The following FRMD3 variants were observed in gnomAD, a reference collection of about 807,000 sequenced individuals.
FRMD3 encodes FERM domain containing 3, also known as FERM domain-containing protein 3.
A neutral mutation model predicts 70.2 loss-of-function variants in FRMD3; 33 were observed. The ratio of observed to expected loss-of-function variants is 0.47; its 90% confidence interval spans 0.36 to 0.63. FRMD3 has a LOEUF of 0.63. Ranked by LOEUF, FRMD3 falls within the 20% of genes least tolerant of loss-of-function variation. FRMD3 has a pLI of 0.00. For synonymous variants in FRMD3, 279 were observed against 255.9 expected (o/e 1.09, Z -0.86); for missense variants, 632 against 711.4 (o/e 0.89, Z 1.27).
At chr9:83,314,934 T>C (rs981209244) in intron 6 of FRMD3, among the ~76,000 whole-genome samples, 21 of 152,200 alleles carry the variant, frequency 1.4e-4, no homozygotes, top group Non-Finnish European at 2.6e-4. Flanking sequence ...TAATCTTTGT[T>C]TCATTCTTTA....
At chr9:83,350,341 C>T (rs949160110) in intron 3 of FRMD3, among the ~76,000 whole-genome samples, 3 of 151,862 alleles carry the variant, frequency 2.0e-5, no homozygotes, top group African/African-American at 7.3e-5. Context: ...CACTGTTGGC[C>T]GGCTGGTCGT....
intron 2 of FRMD3, 66 bp downstream of exon 2, chr9:83,389,538 C>T: frequency 9.7e-7 from 1 of 1,028,670 alleles, no homozygotes; most frequent in South Asian, 1.3e-5. Context: ...TTGAGAGGAA[C>T]CCCCACAGTG....
At chr9:83,274,585 A>C (rs905077222) in intron 13 of FRMD3, among the ~76,000 whole-genome samples, 3 of 152,214 alleles carry the variant, frequency 2.0e-5, no homozygotes, top group African/African-American at 4.8e-5. Context: ...TGGCACAGAC[A>C]GGTGGTGCTG....
intron 4 of FRMD3, among the ~76,000 whole-genome samples, chr9:83,347,143 A>T (rs1823988981): frequency 6.6e-6 from 1 of 152,228 alleles, no homozygotes; most frequent in Non-Finnish European, 1.5e-5. Context: ...TCAGAAATCA[A>T]TTTGGCAAGA....
chr9:83,488,972 T>TTGTGTGTGTGTGTGTG lies in FRMD3; in HGVS notation c.147+49097_147+49112dup, dbSNP rs4014025. 9.8e-3 allele frequency among the ~76,000 whole-genome samples: 1,331 copies of TTGTGTGTGTGTGTGTG among 135,518 alleles called. 20 individuals are homozygous for TTGTGTGTGTGTGTGTG. The highest frequency in any genetic ancestry group is 0.011 in the Middle Eastern group (3 of 276). 88.9% of individuals were successfully genotyped at this position (135,518 alleles called of 152,430 possible). On this transcript the variant is annotated intron_variant, in intron 1 of 13. Coordinates refer to ENST00000304195, the MANE Select transcript of FRMD3 (RefSeq NM_174938.6). Reference sequence around the variant, plus strand: ...AGCTGGAGCTTAGCCCCCTATACCTTTGTGTGTGTGTGTGTGTGTGTGTGT... The same window carrying TTGTGTGTGTGTGTGTG: ...AGCTGGAGCTTAGCCCCCTATACCTTTGTGTGTGTGTGTGTGTGTGTGTGTGTGTGTGTGTGTGTGT...
chr9:83,481,725 AG>A (rs1250580910), intron 1 of FRMD3, among the ~76,000 whole-genome samples: 1 of 152,198 alleles, frequency 6.6e-6, no homozygotes, highest in Middle Eastern at 3.2e-3. Context: ...CATGGAAAAG[AG>A]GGGTCACCAA....
chr9:83,482,175 G>T (rs372776888), intron 1 of FRMD3, among the ~76,000 whole-genome samples: 1 of 152,254 alleles, frequency 6.6e-6, no homozygotes, highest in East Asian at 1.9e-4. Flanking sequence ...CGTTTACAGC[G>T]AACTCCTACT....
At chr9:83,403,211 C>G (rs752899931) in intron 1 of FRMD3, among the ~76,000 whole-genome samples, 1 of 151,990 alleles carries the variant, frequency 6.6e-6, no homozygotes, top group Non-Finnish European at 1.5e-5. Flanking sequence ...GCAAGACTCT[C>G]AATTGTCAAA....
At chr9:83,582,172 A>G in the FRMD3 span, among the ~76,000 whole-genome samples, 1 of 152,148 alleles carries the variant, frequency 6.6e-6, no homozygotes, top group African/African-American at 2.4e-5. Context: ...CCTGGGCTCA[A>G]GTGATCCTCC....
At position 83,309,591 on chromosome 9, in the gene FRMD3, G is replaced by T; in HGVS notation, c.871C>A (p.Pro291Thr). ...TTCCAAAGATGTTTGCAGGCAGCTGGTGTTGAAGTATGGAATGCCAACATG... is the reference window on the plus strand; with the variant it reads ...TTCCAAAGATGTTTGCAGGCAGCTGTTGTTGAAGTATGGAATGCCAACATG... ...KAMLAFHTST[P>T]AACKHLWKCG... is the part of the protein sequence containing the mutation. The change falls in exon 10 of 14, where the codon CCA becomes ACA. Residue 291 changes from proline to threonine, a missense_variant. Around this residue, in one of 3 missense-constraint regions of FRMD3, gnomAD observed 418 missense variants for 442.1 expected, o/e 0.95. Coordinates refer to ENST00000304195, the MANE Select transcript of FRMD3 (RefSeq NM_174938.6). 1 of 1,596,956 alleles carries T rather than the reference G, an allele frequency of 6.3e-7. No individual in the cohort carries two copies. Among genetic ancestry groups the T allele is most frequent in the Non-Finnish European group, 8.5e-7 (1 of 1,171,728 alleles).
intron 1 of FRMD3, among the ~76,000 whole-genome samples, chr9:83,514,091 C>T (rs547655168): frequency 5.3e-5 from 8 of 152,226 alleles, no homozygotes; most frequent in African/African-American, 1.9e-4. Context: ...CCCAGTGGCA[C>T]CTGGAGCACC....
At chr9:83,394,532 A>G (rs1273327654) in intron 1 of FRMD3, among the ~76,000 whole-genome samples, 1 of 152,160 alleles carries the variant, frequency 6.6e-6, no homozygotes, top group Non-Finnish European at 1.5e-5. Flanking sequence ...ATCTTGTTGG[A>G]CACACAGTAG....
At chr9:83,360,595 T>C (rs1009039653) in intron 3 of FRMD3, among the ~76,000 whole-genome samples, 14 of 152,108 alleles carry the variant, frequency 9.2e-5, no homozygotes, top group African/African-American at 3.4e-4. Context: ...GCCCCAGAGA[T>C]ATAAGGACTT....
chr9:83,490,796 TCTCACACACACA>T (rs1291114264), intron 1 of FRMD3, among the ~76,000 whole-genome samples: 2 of 111,958 alleles, frequency 1.8e-5, no homozygotes, highest in Non-Finnish European at 3.6e-5. Flanking sequence ...TCTCTCTCTC[TCTCACACACACA>T]CACACACACA....
At chr9:83,287,313 C>G (rs187975440) in intron 13 of FRMD3, among the ~76,000 whole-genome samples, 2 of 152,308 alleles carry the variant, frequency 1.3e-5, no homozygotes, top group East Asian at 3.9e-4. Flanking sequence ...ATGGAAGCTA[C>G]TAAACATCCT....
rs1195376053 is a variant in FRMD3, at chr9:83,436,457, GATGT to G, written c.148-46753_148-46750del. Among the ~76,000 whole-genome samples the G allele has an allele frequency of 1.9e-4, 21 of 108,292 alleles. No homozygotes were observed. The South Asian group carries it at 3.4e-3, about 18-fold the overall frequency. The allele number at this position is 108,292 out of a possible 152,430, so 71.0% of individuals were successfully genotyped here. A position where few individuals can be genotyped will look rare whatever the true frequency, so the allele number is the denominator to read the frequency against. On this transcript the variant is annotated intron_variant, in intron 1 of 13. Coordinates refer to ENST00000304195, the MANE Select transcript of FRMD3 (RefSeq NM_174938.6). ...TCCTTTGCCAAATTTTAATTAATAA[GATGT>G]GTGTGTGTGTGTGTGTGTGTGTGTG...
chr9:83,436,781 G>GAAAAAA (rs200464485), intron 1 of FRMD3, among the ~76,000 whole-genome samples: 1 of 132,280 alleles, frequency 7.6e-6, no homozygotes. Flanking sequence ...GGACCAAGGG[G>GAAAAAA]AAAAAAAAAA....
chr9:83,313,386 G>A (rs953436911), intron 7 of FRMD3, among the ~76,000 whole-genome samples: 5 of 152,158 alleles, frequency 3.3e-5, no homozygotes, highest in African/African-American at 1.2e-4. Flanking sequence ...TAACTCCTCA[G>A]GGGCCAAACC....
chr9:83,501,033 A>T (rs779915475), intron 1 of FRMD3, among the ~76,000 whole-genome samples: 11 of 152,348 alleles, frequency 7.2e-5, no homozygotes, highest in Admixed American at 1.3e-4. Flanking sequence ...AAAAACAAAG[A>T]AATTTAGTTA....
Sources: gnomAD v4.1 joint callset for allele counts (sites outside exome capture counted in the v4.1 genomes callset) on GRCh38, gnomAD v4.1.1 for gene constraint, gnomAD v4.1.1 regional missense constraint, MANE v1.5 for transcripts, NCBI Gene and HGNC (gene_info 2026-07-23, HGNC 2026-07-21) for gene names.